Variants in KIFC3 observed in about 807,000 individuals in gnomAD.
KIFC3 encodes kinesin-like protein KIFC3.
KIFC3 carries 60 observed loss-of-function variants against 101.8 expected under a neutral mutation model. That is an observed-to-expected ratio of 0.59 (90% confidence interval 0.48 to 0.73). KIFC3 has a LOEUF of 0.73. KIFC3 is among the 30% of genes least tolerant of loss of function. The pLI is 0.00. For missense variants in KIFC3, 966 were observed against 1,137.1 expected (o/e 0.85, Z 2.16); for synonymous variants, 476 against 482.7 (o/e 0.99, Z 0.18).
Position 57,771,446 on chromosome 16 carries a change from A to G in KIFC3, c.526-9T>C, listed in dbSNP as rs782686811. The G allele has an allele frequency of 6.2e-7, 1 of 1,613,480 alleles. No individual in the cohort carries two copies. Among genetic ancestry groups the G allele is most frequent in the South Asian group, 1.1e-5 (1 of 91,084 alleles). On this transcript the variant is annotated splice_polypyrimidine_tract_variant and intron_variant, in intron 5 of 19. Coordinates refer to ENST00000445690, the MANE Select transcript of KIFC3 (RefSeq NM_001130100.2). ...CGGAGCTGGGCGCTCTCCTGCAGCC[A>G]TTGGGAGGCACTGGATGAGTGCAAG... is the stretch of plus-strand genomic sequence containing the variant.
At chr16:57,840,585 A>G (rs2055784106) in intron 1 of KIFC3, among the ~76,000 whole-genome samples, 1 of 151,732 alleles carries the variant, frequency 6.6e-6, no homozygotes, top group African/African-American at 2.4e-5. Context: ...ACGTGGGGAA[A>G]CCCCGTCTCT....
intron 1 of KIFC3, among the ~76,000 whole-genome samples, chr16:57,845,911 G>A (rs573079878): frequency 6.6e-6 from 1 of 152,284 alleles, no homozygotes; most frequent in African/African-American, 2.4e-5. Flanking sequence ...CTGGGCACTG[G>A]TAGAGTTTAA....
At chr16:57,839,001 TA>T (rs1221292240) in intron 1 of KIFC3, among the ~76,000 whole-genome samples, 44 of 152,254 alleles carry the variant, frequency 2.9e-4, no homozygotes, top group Admixed American at 1.3e-3. Flanking sequence ...CAGGGCCTCT[TA>T]CTAAAACTGA....
At chr16:57,835,518 A>G (rs187914209) in intron 1 of KIFC3, among the ~76,000 whole-genome samples, 1 of 152,324 alleles carries the variant, frequency 6.6e-6, no homozygotes, top group African/African-American at 2.4e-5. Flanking sequence ...AGCATTTTCT[A>G]TGGTATTTTA....
chr16:57,819,576 A>T (rs11076206), intron 1 of KIFC3, among the ~76,000 whole-genome samples: 70,505 of 151,938 alleles, frequency 0.46, 17,521 homozygotes, highest in African/African-American at 0.64. Context: ...TTATTTATTT[A>T]TTGAGATGGA....
intron 3 of KIFC3, among the ~76,000 whole-genome samples, chr16:57,791,496 G>C (rs782528673): frequency 6.6e-6 from 1 of 152,170 alleles, no homozygotes; most frequent in African/African-American, 2.4e-5. Flanking sequence ...GGCTAGGGAG[G>C]GGGTGTCACT....
intron 3 of KIFC3, among the ~76,000 whole-genome samples, chr16:57,778,892 G>A (rs1182303583): frequency 2.0e-5 from 3 of 152,116 alleles, no homozygotes; most frequent in East Asian, 1.9e-4. Context: ...GCAACATAGC[G>A]AGACCTCATC....
intron 1 of KIFC3, among the ~76,000 whole-genome samples, chr16:57,819,465 C>T (rs1555629547): frequency 2.6e-5 from 4 of 152,210 alleles, no homozygotes. Flanking sequence ...TGGACACCAG[C>T]ACACAGCAGC....
intron 1 of KIFC3, among the ~76,000 whole-genome samples, chr16:57,848,641 T>C (rs1391718093): frequency 6.6e-6 from 1 of 152,110 alleles, no homozygotes; most frequent in Non-Finnish European, 1.5e-5. Context: ...AAATTAAAAT[T>C]AAAAGACGCC....
rs2049497884 is a variant in KIFC3 at position 57,759,165 on chromosome 16, G to GTGAC, written c.2477-16_2477-13dup. Reference sequence around the variant, plus strand: ...CCCCAGCCGTCAGGCTGAAATCAAAGTGACAGGCGTCTCACTGGTGGGCTT... The same window carrying GTGAC: ...CCCCAGCCGTCAGGCTGAAATCAAAGTGACTGACAGGCGTCTCACTGGTGGGCTT... On this transcript the variant is annotated splice_polypyrimidine_tract_variant and intron_variant, in intron 18 of 19. Transcript: ENST00000445690. The GTGAC allele has an allele frequency of 3.2e-6, 5 of 1,550,960 alleles. No individual in the cohort carries two copies. Among genetic ancestry groups the GTGAC allele is most frequent in the Non-Finnish European group, 4.4e-6 (5 of 1,146,982 alleles).
chr16:57,813,272 G>A (rs782573766), intron 1 of KIFC3, among the ~76,000 whole-genome samples: 18 of 152,044 alleles, frequency 1.2e-4, no homozygotes, highest in Non-Finnish European at 2.4e-4. Flanking sequence ...AGGTTGCAGT[G>A]AGCCGAGATT....
In KIFC3 at chr16:57,762,066, C is replaced by T. The variant is rs556798527; in HGVS notation, c.1748+74G>A. On this transcript the variant is annotated intron_variant, in intron 13 of 19. Transcript: ENST00000445690. The stretch of plus-strand genomic sequence containing the variant: ...ACATACTGGGGGTCCCACCTGAGGA[C>T]CTCGTTCCAGCACCACCCCGGAGGA... The T allele has an allele frequency of 2.9e-5, 44 of 1,492,496 alleles. No homozygotes were observed. The East Asian group carries it at 3.0e-4, about 10-fold the overall frequency. 92.5% of individuals were successfully genotyped at this position (1,492,496 alleles called of 1,614,324 possible). A position where few individuals can be genotyped will look rare whatever the true frequency, so the allele number is the denominator to read the frequency against.
rs1270936468 is a variant in KIFC3 at position 57,847,182 on chromosome 16, TGAAGGAAGGAGG to T, written c.108+15535_108+15546del. ...CTGAGGTGACAGAGCAATGAATCTG[TGAAGGAAGGAGG>T]GAAGGAAGGAAGGAAGGAAGGAAGG... On this transcript the variant is annotated intron_variant, in intron 1 of 2. Coordinates refer to the KIFC3 transcript ENST00000563028. 7.0e-3 allele frequency among the ~76,000 whole-genome samples: 909 copies of T among 130,594 alleles called. 15 individuals are homozygous for T. Among genetic ancestry groups the T allele is most frequent in the Admixed American group, 0.013 (149 of 11,092 alleles). The allele number at this position is 130,594 out of a possible 152,430, so 85.7% of individuals were successfully genotyped here.
chr16:57,770,776 C>A, intron 6 of KIFC3, 76 bp from the exon 7 acceptor site: 1 of 1,249,772 alleles, frequency 8.0e-7, no homozygotes, highest in Non-Finnish European at 1.0e-6. Flanking sequence ...ACGCAGCAGG[C>A]CAGGGGAAGG....
chr16:57,762,942 C>T (rs1555599348), intron 12 of KIFC3, among the ~76,000 whole-genome samples: 2 of 151,476 alleles, frequency 1.3e-5, no homozygotes, highest in African/African-American at 4.8e-5. Context: ...CTGACCGCCC[C>T]TTGGCCGGCT....
intron 1 of KIFC3, among the ~76,000 whole-genome samples, chr16:57,854,099 AC>A (rs2056114477): frequency 2.0e-5 from 3 of 150,822 alleles, no homozygotes; most frequent in Non-Finnish European, 2.9e-5. Flanking sequence ...ACACCATCAC[AC>A]CCAGCTAATT....
chr16:57,787,145 G>C (rs781886239), intron 3 of KIFC3, among the ~76,000 whole-genome samples: 1 of 152,274 alleles, frequency 6.6e-6, no homozygotes, highest in Non-Finnish European at 1.5e-5. Flanking sequence ...TGAGCAGCAC[G>C]TGACCAGCGT....
intron 1 of KIFC3, among the ~76,000 whole-genome samples, chr16:57,799,391 C>T (rs557876605): frequency 7.9e-5 from 12 of 152,128 alleles, no homozygotes; most frequent in Admixed American, 7.2e-4. Context: ...CCTGGGCTGT[C>T]GACTACTCTC....
chr16:57,775,802 C>T (rs1202797209), intron 3 of KIFC3: 6 of 985,552 alleles, frequency 6.1e-6, no homozygotes, highest in Admixed American at 6.1e-5. Context: ...GCGGCTGAAA[C>T]GGTCCCAGGA....
Sources: gnomAD v4.1 joint callset for allele counts (sites outside exome capture counted in the v4.1 genomes callset) on GRCh38, gnomAD v4.1.1 for gene constraint, MANE v1.5 for transcripts, NCBI Gene and HGNC (gene_info 2026-07-23, HGNC 2026-07-21) for gene names.